TPPP: variants seen among roughly 807,000 people sequenced by gnomAD.
The protein encoded by TPPP is tubulin polymerization-promoting protein.
A neutral mutation model predicts 15.5 loss-of-function variants in TPPP; 6 were observed. The observed-to-expected ratio is 0.39, with a 90% CI of 0.21 to 0.77. TPPP has a LOEUF of 0.77. TPPP is among the 30% of genes least tolerant of loss of function. The probability of loss-of-function intolerance (pLI) is 0.42; values close to 1 mark genes in which losing one functional copy is unlikely to be tolerated. For synonymous variants in TPPP, 146 were observed against 133.9 expected (o/e 1.09, Z -0.63); for missense variants, 269 against 307.2 (o/e 0.88, Z 0.93).
At chr5:670,841 A>ATAAG (rs1740195794) in intron 2 of TPPP, among the ~76,000 whole-genome samples, 1 of 152,160 alleles carries the variant, frequency 6.6e-6, no homozygotes, top group Non-Finnish European at 1.5e-5. Flanking sequence ...TTCTCCCCTC[A>ATAAG]TAAGTGACTC....
chr5:662,122 C>G lies in TPPP; in HGVS notation c.*2980G>C, dbSNP rs1402560821. On this transcript the variant is annotated 3_prime_UTR_variant, in exon 4 of 4. Transcript: ENST00000360578. Reference sequence around the variant, plus strand: ...CTCTCTCAGAGTGAAGGGACCACTTCTGTGAATGAGCTCACCTCCAGGGGC... The same window carrying G: ...CTCTCTCAGAGTGAAGGGACCACTTGTGTGAATGAGCTCACCTCCAGGGGC... 6.6e-6 allele frequency: 1 copy of G among 152,486 alleles called. No individual in the cohort carries two copies. Among genetic ancestry groups the G allele is most frequent in the Non-Finnish European group, 1.5e-5 (1 of 68,156 alleles). The allele number at this position is 152,486 out of a possible 1,614,324, so 9.4% of individuals were successfully genotyped here.
intron 3 of TPPP, 158 bp from the exon 4 acceptor site, chr5:665,454 T>C: frequency 7.1e-6 from 5 of 704,026 alleles, no homozygotes; most frequent in South Asian, 5.7e-5. Flanking sequence ...TATTTTTACC[T>C]CTCCTGACCC....
intron 2 of TPPP, among the ~76,000 whole-genome samples, chr5:676,883 C>T (rs1740458335): frequency 7.4e-6 from 1 of 134,428 alleles, no homozygotes; most frequent in Non-Finnish European, 1.5e-5. Context: ...AACATGCACA[C>T]ACGACGCAGA....
Position 677,780 on chromosome 5 carries a change from G to A in TPPP, c.281C>T (p.Thr94Ile). The change falls in exon 2 of 4, where the codon ACT becomes ATT. Residue 94 changes from threonine (T) to isoleucine (I), a missense_variant. By Grantham distance (89) the Thr-to-Ile change is moderately conservative. Coordinates refer to ENST00000360578, the MANE Select transcript of TPPP (RefSeq NM_007030.3). ...CTTGCTGAAGACGATGTCCACGTCA[G>A]TGACGGTCACGTTCCTGCCGTCGAT... The part of the protein sequence containing the change: ...QVIDGRNVTV[T>I]DVDIVFSKIK... The A allele has an allele frequency of 6.3e-7, 1 of 1,589,882 alleles. No homozygotes were observed. Among genetic ancestry groups the A allele is most frequent in the Non-Finnish European group, 8.6e-7 (1 of 1,165,478 alleles).
At chr5:665,658 G>A (rs1289887881) in intron 3 of TPPP, among the ~76,000 whole-genome samples, 1 of 40,584 alleles carries the variant, frequency 2.5e-5, no homozygotes, top group African/African-American at 9.9e-5. Context: ...GACCCCCCCA[G>A]GCCACGCCGA....
chr5:692,690 A>G (rs1249985625), intron 1 of TPPP: 2 of 982,064 alleles, frequency 2.0e-6, no homozygotes, highest in East Asian at 1.1e-4. Flanking sequence ...CGCGGACAGT[A>G]GCCAAGACCC....
chr5:662,185 C>G lies in TPPP; in HGVS notation c.*2917G>C, dbSNP rs934541731. 2.6e-5 allele frequency: 4 copies of G among 152,586 alleles called. No individual in the cohort carries two copies. The highest frequency in any genetic ancestry group is 6.5e-5 in the Admixed American group (1 of 15,290). The allele number at this position is 152,586 out of a possible 1,614,324, so 9.5% of individuals were successfully genotyped here. A position where few individuals can be genotyped will look rare whatever the true frequency, so the allele number is the denominator to read the frequency against. ...CATGAGCCCCGCCGCTCCGGCCACT[C>G]CAGCCAGGTCTGGGAAGGGCTGTGG... On this transcript the variant is annotated 3_prime_UTR_variant, in exon 4 of 4. Coordinates refer to ENST00000360578, the MANE Select transcript of TPPP (RefSeq NM_007030.3).
At position 677,730 on chromosome 5, in the gene TPPP, C is replaced by T. The variant is rs754814946; in HGVS notation, c.311+20G>A. On this transcript the variant is annotated intron_variant, in intron 2 of 3. Transcript: ENST00000360578. ...CCCCCGTAAGTCAGGTCCCTCGGCC[C>T]GTGAGCCCAGCGCACTCACTTGATC... 1.8e-5 allele frequency: 28 copies of T among 1,529,688 alleles called. No individual in the cohort carries two copies. Among genetic ancestry groups the T allele is most frequent in the South Asian group, 5.0e-5 (4 of 79,564 alleles). The allele number at this position is 1,529,688 out of a possible 1,614,324, so 94.8% of individuals were successfully genotyped here. A position where few individuals can be genotyped will look rare whatever the true frequency, so the allele number is the denominator to read the frequency against.
Position 677,868 on chromosome 5 carries a change from T to C in TPPP, c.193A>G (p.Arg65Gly). 1 of 1,612,782 alleles carries C rather than the reference T, an allele frequency of 6.2e-7. No homozygotes were observed. Among genetic ancestry groups the C allele is most frequent in the South Asian group, 1.1e-5 (1 of 91,040 alleles). Residue 65 changes from arginine (R) to glycine (G), a missense_variant, in exon 2 of 4, where the codon AGG becomes GGG. Arg to Gly is a moderately radical substitution (Grantham distance 125, BLOSUM62 -2). Transcript: ENST00000360578. ...FRRFAVHGDA[R>G]ATGREMHGKN... Reference sequence around the variant, plus strand: ...CCGTGCATCTCCCTCCCGGTGGCCCTGGCGTCCCCGTGCACGGCAAAGCGC... The same window carrying C: ...CCGTGCATCTCCCTCCCGGTGGCCCCGGCGTCCCCGTGCACGGCAAAGCGC...
chr5:685,511 TGG>T (rs1270357533), intron 1 of TPPP, among the ~76,000 whole-genome samples: 1 of 152,164 alleles, frequency 6.6e-6, no homozygotes, highest in Non-Finnish European at 1.5e-5. Flanking sequence ...CTAAGGCTCA[TGG>T]GGTGGGAGGG....
Position 666,042 on chromosome 5 carries a change from CTT to C in TPPP, c.391_392del (p.Lys131GlufsTer162), listed in dbSNP as rs763956946. The C allele has an allele frequency of 1.2e-6, 2 of 1,611,934 alleles. No homozygotes were observed. The highest frequency in any genetic ancestry group is 1.7e-6 in the Non-Finnish European group (2 of 1,179,684). On this transcript the variant is annotated frameshift_variant, in exon 3 of 4. Coordinates refer to ENST00000360578, the MANE Select transcript of TPPP (RefSeq NM_007030.3). LOFTEE classifies it high-confidence loss of function. ...EELAKKRFKD[K>X]SSEEAVREVH... Reference sequence around the variant, plus strand: ...CCTCGCGAACGGCCTCCTCGCTGCTCTTGTCTTTGAATCGCTTCTTGGCGAGC... The same window carrying C: ...CCTCGCGAACGGCCTCCTCGCTGCTCGTCTTTGAATCGCTTCTTGGCGAGC...
intron 2 of TPPP, among the ~76,000 whole-genome samples, chr5:669,114 C>T (rs558190585): frequency 3.3e-4 from 51 of 152,336 alleles, no homozygotes; most frequent in African/African-American, 1.2e-3. Context: ...CTCATGGGGT[C>T]CCAGGGAGGG....
chr5:684,035 C>T lies in TPPP; in HGVS notation c.-4-5971G>A, dbSNP rs535007392. Among the ~76,000 whole-genome samples the T allele has an allele frequency of 1.5e-4, 23 of 152,370 alleles. No homozygotes were observed. The South Asian group carries it at 4.8e-3, about 32-fold the overall frequency. ...TGGAGACTGTTGTCATTAAACCCCA[C>T]TCCTGTTTAGGAAACCCCAGGGCCA... On this transcript the variant is annotated intron_variant, in intron 1 of 3. Coordinates refer to ENST00000360578, the MANE Select transcript of TPPP (RefSeq NM_007030.3).
upstream of TPPP, among the ~76,000 whole-genome samples, chr5:697,597 C>G (rs760152372): frequency 6.8e-4 from 104 of 152,110 alleles, no homozygotes; most frequent in Middle Eastern, 6.8e-3. Flanking sequence ...GGGCAATGAG[C>G]TCTGTAAAGC....
In TPPP at chr5:665,141, G is replaced by C; in HGVS notation, c.621C>G (p.His207Gln). ...DESGYVSGYK[H>Q]AGTYDQKVQG... ...GCACCTTCTGGTCGTAGGTGCCTGC[G>C]TGCTTGTAGCCGGACACATAGCCTG... Residue 207 changes from histidine to glutamine, a missense_variant, in exon 4 of 4, where the codon CAC (histidine) becomes CAG (glutamine). Transcript: ENST00000360578. 6.2e-7 allele frequency: 1 copy of C among 1,612,946 alleles called. No individual in the cohort carries two copies. Among genetic ancestry groups the C allele is most frequent in the Non-Finnish European group, 8.5e-7 (1 of 1,179,978 alleles).
At chr5:667,338 C>A (rs1413681783) in intron 2 of TPPP, among the ~76,000 whole-genome samples, 1 of 152,194 alleles carries the variant, frequency 6.6e-6, no homozygotes, top group Non-Finnish European at 1.5e-5. Context: ...GTTTCTTCCA[C>A]AAGTGGAGCT....
intron 2 of TPPP, among the ~76,000 whole-genome samples, chr5:674,362 G>A (rs563844962): frequency 1.3e-5 from 2 of 152,176 alleles, no homozygotes; most frequent in South Asian, 4.1e-4. Context: ...GGGCACAGGG[G>A]CCCTGGCAGC....
chr5:684,241 C>T (rs915169045), intron 1 of TPPP, among the ~76,000 whole-genome samples: 70 of 152,298 alleles, frequency 4.6e-4, no homozygotes, highest in African/African-American at 1.2e-3. Context: ...ACTGAGGGAG[C>T]GGAGGGGATC....
At chr5:666,499 T>C (rs1697824816) in intron 2 of TPPP, among the ~76,000 whole-genome samples, 1 of 152,184 alleles carries the variant, frequency 6.6e-6, no homozygotes. Flanking sequence ...GCCCCGGCTC[T>C]GCCTGTGTGT....
Sources: allele counts gnomAD v4.1 joint callset (sites outside exome capture counted in the v4.1 genomes callset), GRCh38; gene constraint gnomAD v4.1.1; transcripts MANE v1.5; gene names NCBI Gene and HGNC (gene_info 2026-07-23, HGNC 2026-07-21).